The following PAPPA variants were observed in gnomAD, a reference collection of about 807,000 sequenced individuals.
PAPPA encodes the protein pappalysin 1.
Under a neutral mutation model 164.0 loss-of-function variants are expected in PAPPA, and 60 were observed. The observed-to-expected ratio is 0.37, with a 90% CI of 0.30 to 0.45. The LOEUF is 0.45. PAPPA is among the 20% of genes least tolerant of loss of function. PAPPA has a pLI of 1.00. For missense variants in PAPPA, 1,782 were observed against 2,087.3 expected, an observed-to-expected ratio of 0.85 and a Z score of 2.85; for synonymous variants, 875 against 814.1, an observed-to-expected ratio of 1.07 and a Z score of -1.27.
At chr9:116,389,109 A>G (rs1410633263) in intron 21 of PAPPA, among the ~76,000 whole-genome samples, 1 of 150,008 alleles carries the variant, frequency 6.7e-6, no homozygotes, top group Non-Finnish European at 1.5e-5. Context: ...TCTCTTCTTG[A>G]CCTAGCAGCC....
chr9:116,303,633 G>A (rs1263604196), intron 10 of PAPPA, among the ~76,000 whole-genome samples: 3 of 152,102 alleles, frequency 2.0e-5, no homozygotes, highest in South Asian at 2.1e-4. Flanking sequence ...TGCCTTCCCC[G>A]AGACTCAAAT....
At chr9:116,243,087 A>T (rs1327085013) in intron 7 of PAPPA, among the ~76,000 whole-genome samples, 1 of 152,180 alleles carries the variant, frequency 6.6e-6, no homozygotes. Context: ...CATGTCCATT[A>T]ATGTTATCAG....
At chr9:116,354,480 C>T (rs207470521) in intron 17 of PAPPA, among the ~76,000 whole-genome samples, 2 of 152,204 alleles carry the variant, frequency 1.3e-5, no homozygotes, top group Admixed American at 1.3e-4. Context: ...CACAGGTGTG[C>T]AAGGATCATC....
intron 21 of PAPPA, among the ~76,000 whole-genome samples, chr9:116,385,354 G>A (rs1013307549): frequency 1.3e-5 from 2 of 152,042 alleles, no homozygotes; most frequent in East Asian, 1.9e-4. Flanking sequence ...TGTAGAGAGA[G>A]AATCCATTTG....
At position 116,347,121 on chromosome 9, in the gene PAPPA, A is replaced by G; in HGVS notation, c.3876A>G (p.Gln1292=). 1 of 1,614,164 alleles carries G rather than the reference A, an allele frequency of 6.2e-7. No individual in the cohort carries two copies. The highest frequency in any genetic ancestry group is 1.1e-5 in the South Asian group (1 of 91,084). Residue 1292 remains glutamine, a synonymous_variant, in exon 15 of 22, where the codon CAA becomes CAG. Coordinates refer to ENST00000328252, the MANE Select transcript of PAPPA (RefSeq NM_002581.5). The surrounding 1 kb of genome is among the most constrained non-coding windows in gnomAD (Gnocchi z 4.5). ...PVDCSIPDHH[Q]VYAASFSCPE... Reference sequence around the variant, plus strand: ...ACTGCAGCATCCCAGATCACCATCAAGTCTATGCTGCCTCCTTCTCCTGCC... The same window carrying G: ...ACTGCAGCATCCCAGATCACCATCAGGTCTATGCTGCCTCCTTCTCCTGCC...
intron 1 of PAPPA, among the ~76,000 whole-genome samples, chr9:116,186,645 A>G (rs2118625863): frequency 6.6e-6 from 1 of 152,290 alleles, no homozygotes; most frequent in East Asian, 1.9e-4. Context: ...TAACTATGGT[A>G]GGGACCTCCC....
chr9:116,256,174 C>T (rs2118791232), intron 7 of PAPPA, among the ~76,000 whole-genome samples: 1 of 151,918 alleles, frequency 6.6e-6, no homozygotes, highest in African/African-American at 2.4e-5. Context: ...GTAAACAAGG[C>T]ATCAAAATAA....
chr9:116,352,061 T>A (rs1846289141), intron 15 of PAPPA, among the ~76,000 whole-genome samples: 1 of 152,224 alleles, frequency 6.6e-6, no homozygotes, highest in Admixed American at 6.5e-5. Context: ...AGCTTCCCAA[T>A]GGCAGTCAGC....
intron 2 of PAPPA, among the ~76,000 whole-genome samples, chr9:116,200,047 A>G (rs954266820): frequency 6.6e-6 from 1 of 152,150 alleles, no homozygotes; most frequent in East Asian, 1.9e-4. Context: ...AACATTGGGG[A>G]TCACATTTCA....
chr9:116,249,924 G>C (rs532068491), intron 7 of PAPPA, among the ~76,000 whole-genome samples: 6 of 152,268 alleles, frequency 3.9e-5, no homozygotes, highest in African/African-American at 1.4e-4. Flanking sequence ...TCTTTCCTAT[G>C]CAGAGATGCA....
chr9:116,385,486 T>C (rs1846797781), intron 21 of PAPPA, among the ~76,000 whole-genome samples: 2 of 152,064 alleles, frequency 1.3e-5, no homozygotes, highest in Non-Finnish European at 2.9e-5. Context: ...TATACATATA[T>C]TTGAACACCA....
At chr9:116,175,009 A>G (rs1843816293) in intron 1 of PAPPA, among the ~76,000 whole-genome samples, 2 of 152,332 alleles carry the variant, frequency 1.3e-5, no homozygotes, top group South Asian at 4.1e-4. Flanking sequence ...TTCACAAATA[A>G]GAAAACGGAC....
chr9:116,275,624 C>A (rs901467284), intron 9 of PAPPA, among the ~76,000 whole-genome samples: 1 of 151,916 alleles, frequency 6.6e-6, no homozygotes, highest in Non-Finnish European at 1.5e-5. Flanking sequence ...TCTCTTCACC[C>A]CTTCCTCTTC....
Position 116,187,482 on chromosome 9 carries a change from C to A in PAPPA, c.744C>A (p.Asn248Lys), listed in dbSNP as rs149811909. 1 of 1,614,196 alleles carries A rather than the reference C, an allele frequency of 6.2e-7. No homozygotes were observed. Among genetic ancestry groups the A allele is most frequent in the Non-Finnish European group, 8.5e-7 (1 of 1,180,038 alleles). The change falls in exon 2 of 22, where the codon AAC becomes AAA. Residue 248 changes from asparagine (N) to lysine (K), a missense_variant. Around this residue, in one of 2 missense-constraint regions of PAPPA, gnomAD observed 458 missense variants for 430.3 expected, o/e 1.06. Transcript: ENST00000328252. The surrounding 1 kb of genome is among the most constrained non-coding windows in gnomAD (Gnocchi z 4.2). ...TAGGGGGCAGTGCCCTGAATCACAA[C>A]TACCGGGGCTACATCGAGCACTTCA... The part of the protein sequence containing the change: ...LMLGGSALNH[N>K]YRGYIEHFSL...
intron 7 of PAPPA, among the ~76,000 whole-genome samples, chr9:116,249,711 A>G (rs184219185): frequency 1.3e-3 from 192 of 152,296 alleles, no homozygotes; most frequent in Non-Finnish European, 2.1e-3. Context: ...TACTTGGAAA[A>G]CTAATCAAAA....
intron 1 of PAPPA, among the ~76,000 whole-genome samples, chr9:116,171,680 G>T (rs1843777333): frequency 6.6e-6 from 1 of 152,186 alleles, no homozygotes; most frequent in African/African-American, 2.4e-5. Context: ...AAGGCTTCCT[G>T]CCTTTCCATC....
At chr9:116,182,064 C>G (rs1843912489) in intron 1 of PAPPA, among the ~76,000 whole-genome samples, 1 of 152,164 alleles carries the variant, frequency 6.6e-6, no homozygotes, top group African/African-American at 2.4e-5. Context: ...GACTAAGAGC[C>G]TGGGTGTGGG....
At chr9:116,159,047 A>G (rs1023825664) in intron 1 of PAPPA, among the ~76,000 whole-genome samples, 9 of 152,324 alleles carry the variant, frequency 5.9e-5, no homozygotes, top group Non-Finnish European at 8.8e-5. Context: ...CAGATCGAAG[A>G]GGGTGAGAAA....
At chr9:116,233,761 T>G (rs1230471590) in intron 6 of PAPPA, among the ~76,000 whole-genome samples, 3 of 152,144 alleles carry the variant, frequency 2.0e-5, no homozygotes, top group Non-Finnish European at 4.4e-5. Context: ...GTATTGACAT[T>G]ATAGTGATTC....
Sources: allele counts gnomAD v4.1 joint callset (sites outside exome capture counted in the v4.1 genomes callset), GRCh38; gene constraint gnomAD v4.1.1; regional missense constraint gnomAD v4.1.1; non-coding constraint Gnocchi (gnomAD v3.1); transcripts MANE v1.5; gene names NCBI Gene and HGNC (gene_info 2026-07-23, HGNC 2026-07-21).